Variants in TAB2 observed in about 807,000 individuals in gnomAD.
TAB2 encodes the protein TGF-beta-activated kinase 1 and MAP3K7-binding protein 2.
Under a neutral mutation model 65.0 loss-of-function variants are expected in TAB2, and 3 were observed. The observed-to-expected ratio is 0.05, with a 90% confidence interval of 0.02 to 0.12. TAB2 has a LOEUF of 0.12. TAB2 is among the 10% of genes least tolerant of loss of function. The pLI is 1.00. For synonymous variants in TAB2, 298 were observed against 285.1 expected (o/e 1.05, Z -0.46); for missense variants, 623 against 840.3 (o/e 0.74, Z 3.20).
chr6:149,311,622 G>GGTA (rs1293336936), intron 1 of TAB2, among the ~76,000 whole-genome samples: 1 of 152,042 alleles, frequency 6.6e-6, no homozygotes, highest in African/African-American at 2.4e-5. Flanking sequence ...GTTGTGAATT[G>GGTA]GTAGTAGTAG....
chr6:149,358,611 G>A (rs931487005), intron 1 of TAB2, among the ~76,000 whole-genome samples: 3 of 80,462 alleles, frequency 3.7e-5, no homozygotes, highest in African/African-American at 1.1e-4. Flanking sequence ...TCTAGGTGCA[G>A]ATTTCTTTTT....
intron 1 of TAB2, among the ~76,000 whole-genome samples, chr6:149,307,432 G>A (rs571094473): frequency 2.0e-5 from 3 of 152,118 alleles, no homozygotes; most frequent in East Asian, 3.9e-4. Flanking sequence ...TTTATCTTCC[G>A]TTCCACCACA....
chr6:149,400,504 C>T lies in TAB2; in HGVS notation c.1939+1320C>T, dbSNP rs1316444043. ...GTGCAGTTTAAGATTAAGAGGCAGA[C>T]ACCACTTAGTAAACTAATGAAAGCC... is the stretch of plus-strand genomic sequence containing the variant. On this transcript the variant is annotated intron_variant, in intron 6 of 6. Coordinates refer to ENST00000637181, the MANE Select transcript of TAB2 (RefSeq NM_001292034.3). 1 of 1,614,246 alleles carries T rather than the reference C, an allele frequency of 6.2e-7. No homozygotes were observed. Among genetic ancestry groups the T allele is most frequent in the Non-Finnish European group, 8.5e-7 (1 of 1,180,034 alleles).
rs1200159291 is a variant in TAB2, at chr6:149,378,615, G to C, written c.700G>C (p.Gly234Arg). 1 of 1,613,284 alleles carries C rather than the reference G, an allele frequency of 6.2e-7. No homozygotes were observed. The highest frequency in any genetic ancestry group is 1.1e-5 in the South Asian group (1 of 91,076). ...AACTCGACAGACACAACAGCATTCT[G>C]GCTGGGTATCTCAGTTTAATCCCAT... ...GTTRQTQQHS[G>R]WVSQFNPMNP... Residue 234 changes from glycine to arginine, a missense_variant, in exon 3 of 7, where the codon GGC (glycine) becomes CGC (arginine). Coordinates refer to ENST00000637181, the MANE Select transcript of TAB2 (RefSeq NM_001292034.3).
rs237021 is a variant in TAB2 at position 149,403,295 on chromosome 6, C to A, written c.1939+4111C>A. Among the ~76,000 whole-genome samples the A allele has an allele frequency of 3.9e-5, 3 of 76,444 alleles. 1 individual carries two copies. Among genetic ancestry groups the A allele is most frequent in the African/African-American group, 1.9e-4 (3 of 15,576 alleles). The allele number at this position is 76,444 out of a possible 152,430, so 50.2% of individuals were successfully genotyped here. A position where few individuals can be genotyped will look rare whatever the true frequency, so the allele number is the denominator to read the frequency against. On this transcript the variant is annotated intron_variant, in intron 6 of 6. Coordinates refer to ENST00000637181, the MANE Select transcript of TAB2 (RefSeq NM_001292034.3). The stretch of plus-strand genomic sequence containing the variant: ...ATATATATATATATACACACACACA[C>A]ATATATATATATATATATACACACA...
rs1180716838 is a variant in TAB2, at chr6:149,379,000, G to A, written c.1085G>A (p.Arg362Lys). The change falls in exon 3 of 7, where the codon AGA (arginine) becomes AAA (lysine). Residue 362 changes from arginine to lysine, a missense_variant. Arg to Lys is a conservative substitution (Grantham distance 26). Coordinates refer to ENST00000637181, the MANE Select transcript of TAB2 (RefSeq NM_001292034.3). ...SSSVNSQTLN[R>K]NQPTVYIAAS... is the part of the protein sequence containing the mutation. ...TCAGTCAATAGCCAGACCTTAAACA[G>A]AAATCAGCCCACTGTTTACATAGCT... is the stretch of plus-strand genomic sequence containing the variant. 6.2e-7 allele frequency: 1 copy of A among 1,614,006 alleles called. No homozygotes were observed. The highest frequency in any genetic ancestry group is 8.5e-7 in the Non-Finnish European group (1 of 1,180,030).
intron 1 of TAB2, among the ~76,000 whole-genome samples, chr6:149,276,898 C>T (rs1778484171): frequency 1.3e-5 from 2 of 152,310 alleles, no homozygotes; most frequent in East Asian, 3.9e-4. Context: ...TCCCATAATT[C>T]CCACGTGTTG....
chr6:149,275,572 C>T (rs1778456373), intron 1 of TAB2, among the ~76,000 whole-genome samples: 1 of 152,190 alleles, frequency 6.6e-6, no homozygotes, highest in African/African-American at 2.4e-5. Flanking sequence ...TAGAGCATAA[C>T]TTCTCACTCA....
chr6:149,350,119 A>G (rs1014495625), intron 1 of TAB2, among the ~76,000 whole-genome samples: 11 of 152,100 alleles, frequency 7.2e-5, no homozygotes, highest in South Asian at 4.1e-4. Context: ...TTTAGTAGAG[A>G]CAGGGTTTCA....
chr6:149,359,717 A>G (rs894960952), intron 1 of TAB2, among the ~76,000 whole-genome samples: 4 of 152,188 alleles, frequency 2.6e-5, no homozygotes, highest in Non-Finnish European at 5.9e-5. Flanking sequence ...ATTTTAACTT[A>G]AACACTTATT....
intron 1 of TAB2, among the ~76,000 whole-genome samples, chr6:149,358,672 G>GTGTGTGTT (rs1210676011): frequency 6.6e-6 from 1 of 151,118 alleles, no homozygotes; most frequent in African/African-American, 2.4e-5. Flanking sequence ...GTGTGTGTGT[G>GTGTGTGTT]TTTTCAGTAT....
At chr6:149,347,381 G>C (rs1780340226) in intron 1 of TAB2, among the ~76,000 whole-genome samples, 1 of 152,154 alleles carries the variant, frequency 6.6e-6, no homozygotes, top group African/African-American at 2.4e-5. Flanking sequence ...CTTTATTAAT[G>C]TTTATTGTTA....
chr6:149,272,524 C>T (rs1434750229), intron 1 of TAB2, among the ~76,000 whole-genome samples: 2 of 152,190 alleles, frequency 1.3e-5, no homozygotes, highest in Non-Finnish European at 2.9e-5. Flanking sequence ...TACATCGCTC[C>T]AACCTCTGCT....
chr6:149,264,715 C>T (rs987490336), intron 1 of TAB2, among the ~76,000 whole-genome samples: 2 of 152,208 alleles, frequency 1.3e-5, no homozygotes, highest in Non-Finnish European at 2.9e-5. Flanking sequence ...TAAGGAATGA[C>T]ATCAACATCA....
At chr6:149,286,974 A>G (rs1481858859) in intron 1 of TAB2, among the ~76,000 whole-genome samples, 3 of 152,074 alleles carry the variant, frequency 2.0e-5, no homozygotes, top group Non-Finnish European at 4.4e-5. Context: ...AAAATTAGCC[A>G]AGAATGGTGG....
chr6:149,237,803 A>G (rs1027900532), intron 1 of TAB2, among the ~76,000 whole-genome samples: 1 of 152,132 alleles, frequency 6.6e-6, no homozygotes, highest in African/African-American at 2.4e-5. Context: ...ATGAGCAATG[A>G]TGCCTGTTCC....
intron 1 of TAB2, among the ~76,000 whole-genome samples, chr6:149,298,043 C>A (rs1778908013): frequency 1.3e-5 from 2 of 152,032 alleles, no homozygotes; most frequent in East Asian, 1.9e-4. Flanking sequence ...TAAATTTAGT[C>A]TGTTTTGCCT....
chr6:149,288,888 C>T (rs754231963), intron 1 of TAB2, among the ~76,000 whole-genome samples: 11 of 135,194 alleles, frequency 8.1e-5, no homozygotes, highest in Middle Eastern at 4.4e-3. Context: ...GACAGAGTCT[C>T]GCTCTGTCTC....
chr6:149,354,382 A>G (rs941651534), intron 1 of TAB2, among the ~76,000 whole-genome samples: 2 of 152,156 alleles, frequency 1.3e-5, no homozygotes, highest in African/African-American at 2.4e-5. Context: ...TGTAATCTCA[A>G]TTTTAGAACT....
Sources: gnomAD v4.1 joint callset for allele counts (sites outside exome capture counted in the v4.1 genomes callset) on GRCh38, gnomAD v4.1.1 for gene constraint, MANE v1.5 for transcripts, NCBI Gene and HGNC (gene_info 2026-07-23, HGNC 2026-07-21) for gene names.